ARMC3: variants seen among roughly 807,000 people sequenced by gnomAD.
ARMC3 encodes the protein armadillo repeat containing 3, also known as armadillo repeat-containing protein 3.
A neutral mutation model predicts 90.3 loss-of-function variants in ARMC3; 74 were observed. The observed-to-expected ratio is 0.82, with a 90% CI of 0.68 to 0.99. The LOEUF is 0.99. Among genes scored for constraint, ARMC3 ranks in the 50% least tolerant of loss-of-function variants. The pLI is 0.00. For synonymous variants in ARMC3, 334 were observed against 361.8 expected, an observed-to-expected ratio of 0.92 and a Z score of 0.87; for missense variants, 958 against 1,042.8, an observed-to-expected ratio of 0.92 and a Z score of 1.12.
At position 22,999,970 on chromosome 10, in the gene ARMC3, G is replaced by A. The variant is rs557771703; in HGVS notation, c.1425+1573G>A. Among the ~76,000 whole-genome samples, 10 of 152,236 alleles carry A rather than the reference G, an allele frequency of 6.6e-5. No individual in the cohort carries two copies. In the South Asian group the frequency reaches 1.0e-3, roughly 16 times the overall value. On this transcript the variant is annotated intron_variant, in intron 11 of 18. Coordinates refer to ENST00000298032, the MANE Select transcript of ARMC3 (RefSeq NM_173081.5). ...ACAAGGGTCCTGTTTGTACCTCCAT[G>A]CAGCCTGCAGGGAAGCCCACCTAGT...
chr10:22,944,315 T>C (rs1053173102), intron 2 of ARMC3, among the ~76,000 whole-genome samples: 31 of 152,250 alleles, frequency 2.0e-4, no homozygotes, highest in African/African-American at 7.2e-4. Context: ...ATTTTCTATT[T>C]GGTCAAGCTA....
intron 8 of ARMC3, among the ~76,000 whole-genome samples, chr10:22,975,517 A>G (rs1835881581): frequency 6.6e-6 from 1 of 152,220 alleles, no homozygotes. Flanking sequence ...GTGAGCCAAG[A>G]TCGCACCATC....
At position 23,003,353 on chromosome 10, in the gene ARMC3, GC is replaced by G; in HGVS notation, c.1672del (p.Gln558ArgfsTer10). ...AATAACAATCTTTCCCTGAAATACA[GC>G]CAGACTGGCTATTTGTCATCAAGTA... ...LLNNNLSLKY[S>X]QTGYLSSSNI... On this transcript the variant is annotated frameshift_variant, in exon 13 of 19. Coordinates refer to ENST00000298032, the MANE Select transcript of ARMC3 (RefSeq NM_173081.5). LOFTEE classifies it high-confidence loss of function. The G allele has an allele frequency of 6.2e-7, 1 of 1,612,826 alleles. No individual in the cohort carries two copies. The highest frequency in any genetic ancestry group is 8.5e-7 in the Non-Finnish European group (1 of 1,179,504).
chr10:23,014,375 C>CA (rs1838170623), intron 16 of ARMC3: 2 of 1,276,746 alleles, frequency 1.6e-6, no homozygotes, highest in Non-Finnish European at 2.0e-6. Context: ...GTAGATTAGC[C>CA]ATAGCCCTGT....
rs761352492 is a variant in ARMC3 at position 22,959,156 on chromosome 10, ATC to A, written c.361+20_361+21del. ...TCCAGAAGGTAACTTTGCATTCTAT[ATC>A]TGTTTTAAAAAATGGAACTGGTTTT... On this transcript the variant is annotated intron_variant, in intron 5 of 18. Transcript: ENST00000298032. 19 of 1,599,636 alleles carry A rather than the reference ATC, an allele frequency of 1.2e-5. No homozygotes were observed. In the African/African-American group the frequency reaches 1.9e-4, roughly 16 times the overall value.
intron 2 of ARMC3, 115 bp downstream of exon 2, chr10:22,932,159 A>C (rs1833957508): frequency 1.5e-6 from 1 of 682,476 alleles, no homozygotes; most frequent in East Asian, 3.0e-5. Flanking sequence ...CAGAAGTCCA[A>C]AGTCTGACTA....
chr10:23,007,264 T>C (rs970316802), intron 14 of ARMC3, among the ~76,000 whole-genome samples: 11 of 152,156 alleles, frequency 7.2e-5, no homozygotes, highest in African/African-American at 2.7e-4. Context: ...CATGGAGTCA[T>C]TGAAGAAAGT....
intron 2 of ARMC3, among the ~76,000 whole-genome samples, 162 bp from the exon 3 acceptor site, chr10:22,945,982 G>A (rs902085889): frequency 1.1e-4 from 16 of 152,170 alleles, no homozygotes; most frequent in African/African-American, 2.4e-4. Context: ...TTTCTCTAGC[G>A]GTTGATGTAT....
At chr10:22,958,487 A>G (rs1391027821) in intron 4 of ARMC3, among the ~76,000 whole-genome samples, 1 of 152,098 alleles carries the variant, frequency 6.6e-6, no homozygotes, top group Non-Finnish European at 1.5e-5. Flanking sequence ...AACTCTTCTG[A>G]TATGTGTTCT....
chr10:23,010,441 CTCTCCTTCCT>C (rs1837894619), intron 16 of ARMC3, among the ~76,000 whole-genome samples: 1 of 20,504 alleles, frequency 4.9e-5, no homozygotes, highest in Non-Finnish European at 1.6e-4. Context: ...CTTCCCTCCC[CTCTCCTTCCT>C]TTCCCTCCTC....
chr10:22,999,484 A>G (rs1393421487), intron 11 of ARMC3, among the ~76,000 whole-genome samples: 4 of 152,332 alleles, frequency 2.6e-5, no homozygotes, highest in Admixed American at 6.5e-5. Context: ...TCATGTCACC[A>G]TGGCACTCAT....
At chr10:22,989,580 A>G (rs1836618150) in intron 10 of ARMC3, among the ~76,000 whole-genome samples, 1 of 152,196 alleles carries the variant, frequency 6.6e-6, no homozygotes, top group African/African-American at 2.4e-5. Flanking sequence ...CAAGATAGCT[A>G]ATTTCATAAG....
intron 16 of ARMC3, among the ~76,000 whole-genome samples, chr10:23,025,720 A>T (rs1353911464): frequency 6.6e-6 from 1 of 152,108 alleles, no homozygotes; most frequent in Non-Finnish European, 1.5e-5. Context: ...CCCAACACAA[A>T]CAGAAAGAAG....
chr10:23,036,465 G>A (rs949424801), intron 18 of ARMC3, among the ~76,000 whole-genome samples: 5 of 152,122 alleles, frequency 3.3e-5, no homozygotes, highest in East Asian at 1.9e-4. Context: ...GCTGGTGTTC[G>A]CTGCTTTAAG....
At chr10:22,956,147 ACTC>A (rs1249026217) in intron 4 of ARMC3, among the ~76,000 whole-genome samples, 1 of 151,946 alleles carries the variant, frequency 6.6e-6, no homozygotes, top group Non-Finnish European at 1.5e-5. Context: ...CCATGCAAAA[ACTC>A]CTCTCAGAAT....
At chr10:22,945,556 A>T (rs1044816128) in intron 2 of ARMC3, among the ~76,000 whole-genome samples, 1 of 152,138 alleles carries the variant, frequency 6.6e-6, no homozygotes, top group African/African-American at 2.4e-5. Flanking sequence ...ACATTTTGTT[A>T]TATGCTCTTT....
intron 6 of ARMC3, chr10:22,961,442 A>T (rs1835187839): frequency 6.4e-6 from 1 of 157,406 alleles, no homozygotes; most frequent in African/African-American, 2.4e-5. Context: ...GTAAATTTGC[A>T]TGCAGAGGGC....
chr10:22,970,129 C>T (rs1191090226), intron 8 of ARMC3, among the ~76,000 whole-genome samples: 1 of 152,150 alleles, frequency 6.6e-6, no homozygotes, highest in Admixed American at 6.5e-5. Context: ...ATGATGGAAA[C>T]ACAGGATCAC....
chr10:22,946,517 G>T, intron 3 of ARMC3: 1 of 266,146 alleles, frequency 3.8e-6, no homozygotes, highest in South Asian at 6.4e-5. Context: ...AATTGTAAAT[G>T]TCACAGAAGC....
Sources: allele counts gnomAD v4.1 joint callset (sites outside exome capture counted in the v4.1 genomes callset), GRCh38; gene constraint gnomAD v4.1.1; transcripts MANE v1.5; gene names NCBI Gene and HGNC (gene_info 2026-07-23, HGNC 2026-07-21).